Variants in TPH2 observed in about 807,000 individuals in gnomAD.
TPH2 encodes the protein tryptophan 5-hydroxylase 2.
Under a neutral mutation model 59.1 loss-of-function variants are expected in TPH2, and 27 were observed. The ratio of observed to expected loss-of-function variants is 0.46; its 90% CI spans 0.34 to 0.63. TPH2 has a LOEUF of 0.63. Ranked by LOEUF, TPH2 falls within the 30% of genes least tolerant of loss-of-function variation. TPH2 has a pLI of 0.01. For synonymous variants in TPH2, 220 were observed against 210.5 expected, an observed-to-expected ratio of 1.05 and a Z score of -0.39; for missense variants, 523 against 588.3, an observed-to-expected ratio of 0.89 and a Z score of 1.15.
intron 8 of TPH2, among the ~76,000 whole-genome samples, chr12:72,001,428 C>CT (rs529030879): frequency 0.013 from 1,900 of 140,976 alleles, 34 homozygotes; most frequent in Admixed American, 0.057. Context: ...GCTTTGTGTT[C>CT]TTTTTTTTTT....
At position 71,962,529 on chromosome 12, in the gene TPH2, T is replaced by C. The variant is rs537019382; in HGVS notation, c.609-9990T>C. 4.2e-5 allele frequency: 41 copies of C among 985,166 alleles called. No individual in the cohort carries two copies. In the South Asian group the frequency reaches 1.8e-3, roughly 43 times the overall value. The allele number at this position is 985,166 out of a possible 1,614,324, so 61.0% of individuals were successfully genotyped here. On this transcript the variant is annotated intron_variant, in intron 5 of 10. Coordinates refer to ENST00000333850, the MANE Select transcript of TPH2 (RefSeq NM_173353.4). The stretch of plus-strand genomic sequence containing the variant: ...ATATGTAAATTGTACATAGGAATAA[T>C]TGGAGGCTACCAGAAAGTTTGTTAC...
intron 5 of TPH2, among the ~76,000 whole-genome samples, chr12:71,956,377 C>T (rs115145552): frequency 0.016 from 2,450 of 152,042 alleles, 64 homozygotes; most frequent in African/African-American, 0.054. Context: ...GGTTGGGTAC[C>T]ACATTCATTT....
intron 4 of TPH2, among the ~76,000 whole-genome samples, chr12:71,948,842 CT>C (rs1228224042): frequency 6.6e-6 from 1 of 152,174 alleles, no homozygotes; most frequent in Non-Finnish European, 1.5e-5. Context: ...AATGGAAAGT[CT>C]GTTGACAAGA....
chr12:72,025,065 C>CTT (rs1213813783), intron 9 of TPH2, among the ~76,000 whole-genome samples: 6 of 152,088 alleles, frequency 3.9e-5, no homozygotes, highest in Non-Finnish European at 8.8e-5. Context: ...TGAAAGTACC[C>CTT]AGAGCCCTCT....
chr12:72,006,392 G>A (rs1872953547), intron 8 of TPH2, among the ~76,000 whole-genome samples: 1 of 152,106 alleles, frequency 6.6e-6, no homozygotes, highest in Non-Finnish European at 1.5e-5. Flanking sequence ...ACAGGGTTGG[G>A]GAGGTGGTGG....
At chr12:71,989,881 T>C (rs1384301775) in intron 7 of TPH2, among the ~76,000 whole-genome samples, 1 of 151,762 alleles carries the variant, frequency 6.6e-6, no homozygotes, top group African/African-American at 2.4e-5. Context: ...AGAATCCCCC[T>C]AGCAGGGCTT....
chr12:72,018,767 A>T (rs1873329600), intron 8 of TPH2, among the ~76,000 whole-genome samples: 1 of 152,302 alleles, frequency 6.6e-6, no homozygotes, highest in African/African-American at 2.4e-5. Context: ...GTGACATTCT[A>T]GTTTTCCTCC....
At chr12:72,008,038 T>C (rs1269294568) in intron 8 of TPH2, among the ~76,000 whole-genome samples, 2 of 152,162 alleles carry the variant, frequency 1.3e-5, no homozygotes, top group Non-Finnish European at 2.9e-5. Context: ...AGTCCTACTT[T>C]TGGGGAGCTT....
chr12:71,968,750 T>C (rs1488472571), intron 5 of TPH2, among the ~76,000 whole-genome samples: 1 of 152,162 alleles, frequency 6.6e-6, no homozygotes, highest in Non-Finnish European at 1.5e-5. Flanking sequence ...CCTAGTAGGC[T>C]GGTGGATGAG....
chr12:72,003,125 T>C lies in TPH2; in HGVS notation c.1068+8560T>C, dbSNP rs561817375. ...TGCCTACCTGGCTGGGGATGGGGAA[T>C]CTTTGGATGCTGAAAGACTTATGCA... On this transcript the variant is annotated intron_variant, in intron 8 of 10. Coordinates refer to ENST00000333850, the MANE Select transcript of TPH2 (RefSeq NM_173353.4). Among the ~76,000 whole-genome samples, 4 of 152,334 alleles carry C rather than the reference T, an allele frequency of 2.6e-5. No homozygotes were observed. The East Asian group carries it at 7.7e-4, about 29-fold the overall frequency.
At chr12:71,953,698 A>T (rs1288251881) in intron 5 of TPH2, among the ~76,000 whole-genome samples, 8 of 152,318 alleles carry the variant, frequency 5.3e-5, no homozygotes, top group Non-Finnish European at 4.4e-5. Context: ...CAAGGGATAG[A>T]TCATTTGAGA....
Position 71,944,312 on chromosome 12 carries a change from G to T in TPH2, c.274G>T (p.Val92Phe). ...TCCACAGGAAAAACGTGTCAACATG[G>T]TTCATATTGAATCCAGGAAATCTCG... ...RLFQEKRVNM[V>F]HIESRKSRRR... Residue 92 changes from valine (V) to phenylalanine (F), a missense_variant, in exon 3 of 11, where the codon GTT becomes TTT. Transcript: ENST00000333850. The T allele has an allele frequency of 1.9e-6, 3 of 1,613,752 alleles. No homozygotes were observed. Among genetic ancestry groups the T allele is most frequent in the Non-Finnish European group, 2.5e-6 (3 of 1,179,776 alleles).
chr12:72,006,238 C>G (rs777340530), intron 8 of TPH2, among the ~76,000 whole-genome samples: 8 of 152,084 alleles, frequency 5.3e-5, no homozygotes, highest in Non-Finnish European at 1.0e-4. Flanking sequence ...ATTCATAACA[C>G]TTGTTAAAGA....
chr12:71,957,880 A>C (rs1278346922), intron 5 of TPH2, among the ~76,000 whole-genome samples: 3 of 152,106 alleles, frequency 2.0e-5, no homozygotes, highest in Non-Finnish European at 4.4e-5. Flanking sequence ...GCTATGTTGG[A>C]CTCATCCCTG....
chr12:72,025,022 A>C (rs1873528947), intron 9 of TPH2, among the ~76,000 whole-genome samples: 1 of 152,148 alleles, frequency 6.6e-6, no homozygotes, highest in South Asian at 2.1e-4. Flanking sequence ...TTTCCCTAGC[A>C]TCTCTTCCCC....
At chr12:72,021,251 CTCCG>C (rs1873405623) in intron 8 of TPH2, among the ~76,000 whole-genome samples, 2 of 151,754 alleles carry the variant, frequency 1.3e-5, no homozygotes, top group Admixed American at 1.3e-4. Context: ...GCAAAGATTC[CTCCG>C]TCTGTTTAGG....
intron 8 of TPH2, among the ~76,000 whole-genome samples, chr12:72,005,728 A>G (rs1455671287): frequency 6.6e-6 from 1 of 152,232 alleles, no homozygotes; most frequent in Non-Finnish European, 1.5e-5. Context: ...TTTAGAGAAC[A>G]TTAGCTGTGG....
chr12:71,956,104 C>T (rs548409954), intron 5 of TPH2, among the ~76,000 whole-genome samples: 4 of 152,152 alleles, frequency 2.6e-5, no homozygotes, highest in Non-Finnish European at 4.4e-5. Flanking sequence ...TTGCAGGAGG[C>T]GTCAGTGTTT....
intron 4 of TPH2, among the ~76,000 whole-genome samples, chr12:71,946,279 G>T (rs931742597): frequency 1.3e-5 from 2 of 152,146 alleles, no homozygotes; most frequent in Non-Finnish European, 2.9e-5. Context: ...CCGGATCAAT[G>T]CCTGGACACT....
Sources: allele counts gnomAD v4.1 joint callset (sites outside exome capture counted in the v4.1 genomes callset), GRCh38; gene constraint gnomAD v4.1.1; transcripts MANE v1.5; gene names NCBI Gene and HGNC (gene_info 2026-07-23, HGNC 2026-07-21).